Variants in LRRC7 observed in about 807,000 individuals in gnomAD.
The protein encoded by LRRC7 is leucine rich repeat containing 7.
A neutral mutation model predicts 175.7 loss-of-function variants in LRRC7; 23 were observed. That is an observed-to-expected ratio of 0.13 (90% CI 0.09 to 0.19). The LOEUF (loss-of-function observed/expected upper bound fraction) is 0.19. LRRC7 is among the 10% of genes least tolerant of loss of function. LRRC7 has a pLI of 1.00. For missense variants in LRRC7, 1,354 were observed against 1,904.7 expected, an observed-to-expected ratio of 0.71 and a Z score of 5.38; for synonymous variants, 685 against 680.9, an observed-to-expected ratio of 1.01 and a Z score of -0.09.
chr1:69,804,837 C>CA (rs1198441004), intron 4 of LRRC7, among the ~76,000 whole-genome samples: 1 of 151,590 alleles, frequency 6.6e-6, no homozygotes. Context: ...TTTGTGGAGA[C>CA]AATACCTGGT....
intron 26 of LRRC7, among the ~76,000 whole-genome samples, chr1:70,108,304 A>G (rs956277690): frequency 9.2e-5 from 14 of 152,230 alleles, no homozygotes; most frequent in African/African-American, 3.4e-4. Flanking sequence ...GTTTAGCTCT[A>G]TATAAGGTGA....
chr1:69,568,553 G>A lies in LRRC7; in HGVS notation c.-87G>A. 1 of 1,287,558 alleles carries A rather than the reference G, an allele frequency of 7.8e-7. No individual in the cohort carries two copies. The highest frequency in any genetic ancestry group is 5.8e-5 in the East Asian group (1 of 17,332). 79.8% of individuals were successfully genotyped at this position (1,287,558 alleles called of 1,614,324 possible). The stretch of plus-strand genomic sequence containing the variant: ...CGAAGACCCTGGCGCCCACTCCACT[G>A]CGGACCCCTGAACACTTAAGGAATA... On this transcript the variant is annotated 5_prime_UTR_variant, in exon 1 of 27. Coordinates refer to ENST00000651989, the MANE Select transcript of LRRC7 (RefSeq NM_001370785.2).
At chr1:69,570,409 C>G (rs1645692804) in intron 1 of LRRC7, among the ~76,000 whole-genome samples, 1 of 152,066 alleles carries the variant, frequency 6.6e-6, no homozygotes, top group African/African-American at 2.4e-5. Context: ...AGCTTCGCCT[C>G]TGCCTTTTTT....
chr1:69,683,147 G>A (rs964353649), intron 2 of LRRC7, among the ~76,000 whole-genome samples: 26 of 152,264 alleles, frequency 1.7e-4, no homozygotes, highest in African/African-American at 6.0e-4. Flanking sequence ...GTCTGAATGA[G>A]TGGTGCTGTT....
chr1:69,626,728 GC>G lies in LRRC7; in HGVS notation c.3-51646del, dbSNP rs1166206383. 1.3e-4 allele frequency among the ~76,000 whole-genome samples: 13 copies of G among 99,964 alleles called. No individual in the cohort carries two copies. The Admixed American group carries it at 1.5e-3, about 11-fold the overall frequency. The allele number at this position is 99,964 out of a possible 152,430, so 65.6% of individuals were successfully genotyped here. Reference sequence around the variant, plus strand: ...ATCCCTCCCCCCTCCCCTCTCCTCCGCCCCCCCATGACAGGCCCCGGTGTGT... The same window carrying G: ...ATCCCTCCCCCCTCCCCTCTCCTCCGCCCCCCATGACAGGCCCCGGTGTGT... On this transcript the variant is annotated intron_variant, in intron 1 of 26. Coordinates refer to ENST00000651989, the MANE Select transcript of LRRC7 (RefSeq NM_001370785.2).
chr1:69,656,111 C>T (rs1422016740), intron 1 of LRRC7, among the ~76,000 whole-genome samples: 1 of 151,670 alleles, frequency 6.6e-6, no homozygotes, highest in African/African-American at 2.4e-5. Flanking sequence ...TTGATATACA[C>T]AGAAATGGGA....
In LRRC7 at chr1:70,121,951, A is replaced by G. The variant is rs558565603; in HGVS notation, c.*64A>G. 6.5e-6 allele frequency: 8 copies of G among 1,223,046 alleles called. No individual in the cohort carries two copies. The South Asian group carries it at 7.8e-5, about 12-fold the overall frequency. The allele number at this position is 1,223,046 out of a possible 1,614,324, so 75.8% of individuals were successfully genotyped here. ...CTAATGTTCAAAAATAAATTTATAC[A>G]TAGAAACAAATTTTGCCAATTGCTG... On this transcript the variant is annotated 3_prime_UTR_variant, in exon 27 of 27. Transcript: ENST00000651989.
At chr1:69,902,492 A>T (rs1570574419) in intron 7 of LRRC7, among the ~76,000 whole-genome samples, 1 of 151,976 alleles carries the variant, frequency 6.6e-6, no homozygotes, top group South Asian at 2.1e-4. Context: ...AATTGCTTGA[A>T]CCCAGGAGGT....
intron 1 of LRRC7, among the ~76,000 whole-genome samples, chr1:69,659,854 T>C (rs1657192680): frequency 6.6e-6 from 1 of 150,632 alleles, no homozygotes; most frequent in Non-Finnish European, 1.5e-5. Context: ...GTAGAAAACA[T>C]AAAAAATAAA....
intron 1 of LRRC7, among the ~76,000 whole-genome samples, chr1:69,671,311 G>T (rs558017392): frequency 6.6e-6 from 1 of 152,170 alleles, no homozygotes; most frequent in African/African-American, 2.4e-5. Flanking sequence ...GCCTGGAAAG[G>T]GTGCCTCATG....
At chr1:69,647,209 A>G (rs1296677870) in intron 1 of LRRC7, among the ~76,000 whole-genome samples, 1 of 152,144 alleles carries the variant, frequency 6.6e-6, no homozygotes, top group African/African-American at 2.4e-5. Flanking sequence ...TCATCCACAC[A>G]CTTTGCTAGC....
rs1194508723 is a variant in LRRC7, at chr1:70,021,071, C to G, written c.1487C>G (p.Thr496Ser). 6.2e-7 allele frequency: 1 copy of G among 1,612,886 alleles called. No homozygotes were observed. The highest frequency in any genetic ancestry group is 8.5e-7 in the Non-Finnish European group (1 of 1,179,122). The change falls in exon 16 of 27, where the codon ACT becomes AGT. Residue 496 changes from threonine (T) to serine (S), a missense_variant. Around this residue, in one of 4 missense-constraint regions of LRRC7, gnomAD observed 1,032 missense variants for 1,227.2 expected, o/e 0.84. Transcript: ENST00000651989. ...LWEEQRQQRM[T>S]VAFEFEDKKE... Reference sequence around the variant, plus strand: ...GAAGAGCAGAGACAACAACGCATGACTGTTGCCTTTGAATTTGAAGACAAA... The same window carrying G: ...GAAGAGCAGAGACAACAACGCATGAGTGTTGCCTTTGAATTTGAAGACAAA...
chr1:70,069,543 T>C (rs1200640159), intron 23 of LRRC7, among the ~76,000 whole-genome samples: 2 of 152,206 alleles, frequency 1.3e-5, no homozygotes, highest in Non-Finnish European at 2.9e-5. Context: ...GTTTGTTCTA[T>C]GTGGAACTCT....
intron 1 of LRRC7, among the ~76,000 whole-genome samples, chr1:69,577,644 C>A (rs1441095789): frequency 1.3e-5 from 2 of 152,078 alleles, no homozygotes; most frequent in Non-Finnish European, 2.9e-5. Flanking sequence ...GGAATCCTTT[C>A]CCCATTGCTT....
At chr1:69,666,355 TTCC>T (rs1482551651) in intron 1 of LRRC7, among the ~76,000 whole-genome samples, 2 of 152,102 alleles carry the variant, frequency 1.3e-5, no homozygotes, top group Non-Finnish European at 2.9e-5. Context: ...AAAGTATTCC[TTCC>T]TCCTCTATTT....
At chr1:69,793,270 G>A (rs1360325888) in intron 4 of LRRC7, among the ~76,000 whole-genome samples, 3 of 152,124 alleles carry the variant, frequency 2.0e-5, no homozygotes, top group Non-Finnish European at 4.4e-5. Flanking sequence ...TCCAATCTTT[G>A]TAGTTAGGGA....
chr1:69,979,353 G>A (rs921107813), intron 8 of LRRC7, among the ~76,000 whole-genome samples: 2 of 152,222 alleles, frequency 1.3e-5, no homozygotes, highest in Non-Finnish European at 2.9e-5. Flanking sequence ...AGGTTTTGAT[G>A]TTGGCAGCAA....
At chr1:69,776,176 T>G (rs1421121140) in intron 3 of LRRC7, among the ~76,000 whole-genome samples, 1 of 152,180 alleles carries the variant, frequency 6.6e-6, no homozygotes, top group Non-Finnish European at 1.5e-5. Flanking sequence ...CTTGAAAGAT[T>G]GTCTTACTCC....
intron 1 of LRRC7, among the ~76,000 whole-genome samples, chr1:69,620,326 T>A (rs1650368031): frequency 6.6e-6 from 1 of 152,198 alleles, no homozygotes; most frequent in Admixed American, 6.5e-5. Flanking sequence ...AATCCACATT[T>A]TTTAAAACAA....
Sources: gnomAD v4.1 joint callset for allele counts (sites outside exome capture counted in the v4.1 genomes callset) on GRCh38, gnomAD v4.1.1 for gene constraint, gnomAD v4.1.1 regional missense constraint, MANE v1.5 for transcripts, NCBI Gene and HGNC (gene_info 2026-07-23, HGNC 2026-07-21) for gene names.